ARHGAP25: variants seen among roughly 807,000 people sequenced by gnomAD.
ARHGAP25 encodes rho GTPase-activating protein 25.
A neutral mutation model predicts 71.0 loss-of-function variants in ARHGAP25; 34 were observed. That is an observed-to-expected ratio of 0.48 (90% CI 0.36 to 0.64). ARHGAP25 has a LOEUF of 0.64. Ranked by LOEUF, ARHGAP25 falls within the 30% of genes least tolerant of loss-of-function variation. The pLI is 0.00. For synonymous variants in ARHGAP25, 282 were observed against 296.5 expected (o/e 0.95, Z 0.50); for missense variants, 706 against 805.1 (o/e 0.88, Z 1.49).
At chr2:68,716,300 A>G (rs909848348) in intron 2 of ARHGAP25, among the ~76,000 whole-genome samples, 3 of 152,220 alleles carry the variant, frequency 2.0e-5, no homozygotes, top group Admixed American at 6.5e-5. Flanking sequence ...CTCCCTTTTC[A>G]AAAGAAGAAA....
intron 1 of ARHGAP25, among the ~76,000 whole-genome samples, chr2:68,745,343 G>A (rs577732860): frequency 1.3e-5 from 2 of 152,080 alleles, no homozygotes; most frequent in African/African-American, 2.4e-5. Context: ...CACATCCTAT[G>A]TGCCCAGCTC....
At chr2:68,823,002 C>G (rs1681826714) in intron 10 of ARHGAP25, 130 bp downstream of exon 10, 1 of 963,050 alleles carries the variant, frequency 1.0e-6, no homozygotes, top group Non-Finnish European at 1.5e-6. Flanking sequence ...CTATAGCAGG[C>G]CTAGAAAGAA....
chr2:68,768,311 C>T (rs1383361511), intron 1 of ARHGAP25, among the ~76,000 whole-genome samples: 3 of 152,186 alleles, frequency 2.0e-5, no homozygotes, highest in Non-Finnish European at 4.4e-5. Context: ...ATTATATCTT[C>T]CATCGTCCAC....
At chr2:68,800,736 CAAT>C (rs1679907008) in intron 4 of ARHGAP25, among the ~76,000 whole-genome samples, 1 of 152,038 alleles carries the variant, frequency 6.6e-6, no homozygotes, top group Admixed American at 6.5e-5. Flanking sequence ...TAAAATGGAA[CAAT>C]AATATTTACT....
At chr2:68,726,220 G>A (rs1674880265) in intron 2 of ARHGAP25, among the ~76,000 whole-genome samples, 1 of 152,166 alleles carries the variant, frequency 6.6e-6, no homozygotes, top group South Asian at 2.1e-4. Context: ...TCCCTAATAG[G>A]TGAACGGTTC....
intron 2 of ARHGAP25, among the ~76,000 whole-genome samples, chr2:68,722,196 A>G (rs1674778608): frequency 2.0e-5 from 3 of 152,252 alleles, no homozygotes; most frequent in Admixed American, 2.0e-4. Flanking sequence ...CTTACTAGTT[A>G]TTCAGCTTAT....
chr2:68,727,736 A>C (rs556612454), intron 2 of ARHGAP25, among the ~76,000 whole-genome samples: 1 of 152,248 alleles, frequency 6.6e-6, no homozygotes, highest in Non-Finnish European at 1.5e-5. Flanking sequence ...GGATTGCTCC[A>C]TTCCCCTGCC....
At chr2:68,762,845 A>C (rs1676910262) in intron 1 of ARHGAP25, among the ~76,000 whole-genome samples, 1 of 152,196 alleles carries the variant, frequency 6.6e-6, no homozygotes, top group African/African-American at 2.4e-5. Context: ...TTGCTCACAG[A>C]TACATACAAA....
intron 4 of ARHGAP25, among the ~76,000 whole-genome samples, chr2:68,796,439 T>C (rs1325872706): frequency 6.6e-6 from 1 of 152,242 alleles, no homozygotes; most frequent in Admixed American, 6.5e-5. Flanking sequence ...CATTGATTTC[T>C]GCACATCTGA....
At chr2:68,775,642 T>C (rs751952386) in intron 2 of ARHGAP25, 2 of 713,186 alleles carry the variant, frequency 2.8e-6, no homozygotes, top group South Asian at 1.5e-5. Context: ...CACTGTGGAG[T>C]TTCCTACACA....
intron 10 of ARHGAP25, among the ~76,000 whole-genome samples, chr2:68,824,342 A>T (rs1681933173): frequency 6.6e-6 from 1 of 152,148 alleles, no homozygotes; most frequent in Non-Finnish European, 1.5e-5. Context: ...TCTACCTTCC[A>T]CTGGAACCCA....
chr2:68,799,963 G>C (rs1409656151), intron 4 of ARHGAP25, among the ~76,000 whole-genome samples: 1 of 152,188 alleles, frequency 6.6e-6, no homozygotes, highest in Non-Finnish European at 1.5e-5. Flanking sequence ...GCCGCGGTGG[G>C]AACTGGGCTG....
chr2:68,768,036 AC>A (rs1322623843), intron 1 of ARHGAP25, among the ~76,000 whole-genome samples: 3 of 152,210 alleles, frequency 2.0e-5, no homozygotes, highest in African/African-American at 7.2e-5. Context: ...TCTCTTCACC[AC>A]AAGAATACAT....
At chr2:68,729,902 G>C (rs939973523), upstream of ARHGAP25, among the ~76,000 whole-genome samples, 2 of 152,304 alleles carry the variant, frequency 1.3e-5, no homozygotes, top group South Asian at 4.1e-4. Flanking sequence ...TTCCCCCTGA[G>C]GGGGGAAAAG....
intron 4 of ARHGAP25, among the ~76,000 whole-genome samples, chr2:68,802,762 A>G (rs1680088488): frequency 6.6e-6 from 1 of 152,066 alleles, no homozygotes; most frequent in African/African-American, 2.4e-5. Context: ...ATATAACTAC[A>G]TATACAATGA....
chr2:68,811,768 C>T (rs1261373517), intron 5 of ARHGAP25, among the ~76,000 whole-genome samples: 1 of 152,164 alleles, frequency 6.6e-6, no homozygotes, highest in Non-Finnish European at 1.5e-5. Flanking sequence ...GCCTCACATG[C>T]CTCCCTTCTC....
intron 2 of ARHGAP25, among the ~76,000 whole-genome samples, chr2:68,777,036 C>A (rs1169419655): frequency 6.6e-6 from 1 of 152,146 alleles, no homozygotes; most frequent in Non-Finnish European, 1.5e-5. Flanking sequence ...CGCAGGGACC[C>A]CACCACAGAT....
chr2:68,820,435 G>C (rs1476190315), intron 9 of ARHGAP25, among the ~76,000 whole-genome samples: 1 of 152,154 alleles, frequency 6.6e-6, no homozygotes, highest in Admixed American at 6.5e-5. Context: ...GGAGGACTCA[G>C]ATCCAGTCCT....
Position 68,782,268 on chromosome 2 carries a change from G to T in ARHGAP25, c.297G>T (p.Glu99Asp). Reference sequence around the variant, plus strand: ...ATCTACCAGGATGTACAATCAAGGAGATCGCCACAAACCCAGAAGAAGCTG... The same window carrying T: ...ATCTACCAGGATGTACAATCAAGGATATCGCCACAAACCCAGAAGAAGCTG... ...CMYLPGCTIK[E>D]IATNPEEAGK... The change falls in exon 3 of 11, where the codon GAG (glutamate) becomes GAT (aspartate). Residue 99 changes from glutamate to aspartate, a missense_variant. Glu to Asp is a conservative substitution (Grantham distance 45, BLOSUM62 2). Coordinates refer to ENST00000409202, the MANE Select transcript of ARHGAP25 (RefSeq NM_001007231.3). 6.2e-7 allele frequency: 1 copy of T among 1,614,126 alleles called. No individual in the cohort carries two copies. Among genetic ancestry groups the T allele is most frequent in the Non-Finnish European group, 8.5e-7 (1 of 1,180,014 alleles).
Sources: allele counts gnomAD v4.1 joint callset (sites outside exome capture counted in the v4.1 genomes callset), GRCh38; gene constraint gnomAD v4.1.1; transcripts MANE v1.5; gene names NCBI Gene and HGNC (gene_info 2026-07-23, HGNC 2026-07-21).